NRG1: variants seen among roughly 807,000 people sequenced by gnomAD.
NRG1 encodes pro-neuregulin-1, membrane-bound isoform.
In NRG1, 18 loss-of-function variants were observed where a neutral mutation model predicts 63.8. That is an observed-to-expected ratio of 0.28 (90% confidence interval 0.19 to 0.42). The LOEUF (loss-of-function observed/expected upper bound fraction) is 0.42, where lower values mean the gene tolerates loss of function less well. NRG1 is among the 10% of genes least tolerant of loss of function. The pLI is 1.00. For synonymous variants in NRG1, 302 were observed against 301.3 expected, an observed-to-expected ratio of 1.00 and a Z score of -0.02; for missense variants, 762 against 814.7, an observed-to-expected ratio of 0.94 and a Z score of 0.79.
intron 1 of NRG1, among the ~76,000 whole-genome samples, chr8:31,909,783 G>A (rs1034175332): frequency 3.9e-5 from 6 of 152,282 alleles, no homozygotes; most frequent in Middle Eastern, 3.4e-3. Flanking sequence ...CAAGCGGTGC[G>A]TTGTACATGT....
chr8:32,628,601 A>G (rs1280514638), intron 5 of NRG1, among the ~76,000 whole-genome samples: 1 of 152,204 alleles, frequency 6.6e-6, no homozygotes, highest in Non-Finnish European at 1.5e-5. Flanking sequence ...ACCTTTAAAA[A>G]TGATTTTACA....
intron 1 of NRG1, among the ~76,000 whole-genome samples, chr8:32,170,474 TG>T (rs1336910776): frequency 1.3e-5 from 2 of 152,190 alleles, no homozygotes; most frequent in Admixed American, 1.3e-4. Flanking sequence ...TTGTTGCCTC[TG>T]GTTGTGCAGA....
chr8:32,701,226 G>T (rs892155895), intron 5 of NRG1, among the ~76,000 whole-genome samples: 1 of 152,110 alleles, frequency 6.6e-6, no homozygotes, highest in African/African-American at 2.4e-5. Context: ...TATTGTGTAA[G>T]TATACTAATG....
intron 1 of NRG1, among the ~76,000 whole-genome samples, chr8:32,551,889 G>C (rs35100426): frequency 0.19 from 28,324 of 148,208 alleles, 2,806 homozygotes; most frequent in Middle Eastern, 0.25. Context: ...TTCTCTTGAA[G>C]CCTGAATTAC....
intron 4 of NRG1, among the ~76,000 whole-genome samples, chr8:32,614,978 A>G (rs1296278754): frequency 3.6e-4 from 55 of 152,078 alleles, no homozygotes; most frequent in Non-Finnish European, 4.4e-5. Flanking sequence ...TCTAATAATC[A>G]GTTGTGGATC....
At chr8:32,423,072 C>T (rs962302191) in intron 1 of NRG1, among the ~76,000 whole-genome samples, 1 of 152,202 alleles carries the variant, frequency 6.6e-6, no homozygotes, top group Non-Finnish European at 1.5e-5. Flanking sequence ...TGGTCCAAAC[C>T]CTATGCTCTA....
Position 32,147,608 on chromosome 8 carries a change from C to A in NRG1, c.38-448220C>A, listed in dbSNP as rs540910853. 2.6e-3 allele frequency among the ~76,000 whole-genome samples: 395 copies of A among 152,288 alleles called. 3 individuals are homozygous for A. The highest frequency in any genetic ancestry group is 9.1e-3 in the African/African-American group (380 of 41,556). ...CTATCCCCTAATTTTCATCATCTCTCATATCTAATCCACCATGATGTCTTT... is the reference window on the plus strand; with the variant it reads ...CTATCCCCTAATTTTCATCATCTCTAATATCTAATCCACCATGATGTCTTT... On this transcript the variant is annotated intron_variant, in intron 1 of 10. Coordinates refer to the NRG1 transcript ENST00000519301.
At chr8:31,928,377 A>AG (rs1834580590) in intron 1 of NRG1, among the ~76,000 whole-genome samples, 1 of 136,556 alleles carries the variant, frequency 7.3e-6, no homozygotes, top group East Asian at 2.0e-4. Flanking sequence ...AAAAAAAAAA[A>AG]GATGTTTATA....
intron 1 of NRG1, among the ~76,000 whole-genome samples, chr8:31,818,432 G>T (rs1245465130): frequency 1.3e-5 from 2 of 152,064 alleles, no homozygotes; most frequent in African/African-American, 2.4e-5. Flanking sequence ...AACCTTTTTG[G>T]CACCAGGAAC....
chr8:32,331,758 A>G (rs1306418118), intron 1 of NRG1, among the ~76,000 whole-genome samples: 1 of 152,156 alleles, frequency 6.6e-6, no homozygotes, highest in Non-Finnish European at 1.5e-5. Context: ...TAAGAGATGA[A>G]CATCTCAGAC....
At chr8:32,366,595 G>A (rs1211883339) in intron 1 of NRG1, among the ~76,000 whole-genome samples, 1 of 148,372 alleles carries the variant, frequency 6.7e-6, no homozygotes, top group Non-Finnish European at 1.5e-5. Context: ...TATATATAAT[G>A]TGTATATAAA....
chr8:32,669,556 T>G (rs1228430521), intron 5 of NRG1, among the ~76,000 whole-genome samples: 1 of 152,150 alleles, frequency 6.6e-6, no homozygotes, highest in Non-Finnish European at 1.5e-5. Flanking sequence ...ATAAGTAAAG[T>G]AAGATTGGAG....
intron 1 of NRG1, among the ~76,000 whole-genome samples, chr8:31,790,985 C>T (rs780418464): frequency 2.4e-4 from 36 of 151,856 alleles, no homozygotes; most frequent in African/African-American, 7.0e-4. Flanking sequence ...CTGAGGTGGG[C>T]GGATCACTTG....
intron 1 of NRG1, among the ~76,000 whole-genome samples, chr8:31,760,738 A>G (rs1412232431): frequency 1.3e-5 from 2 of 152,230 alleles, no homozygotes; most frequent in Admixed American, 1.3e-4. Flanking sequence ...AATGCAAATC[A>G]AAACCACAAT....
chr8:32,153,991 A>G (rs1390079569), intron 1 of NRG1, among the ~76,000 whole-genome samples: 3 of 152,222 alleles, frequency 2.0e-5, no homozygotes, highest in Non-Finnish European at 1.5e-5. Context: ...AACAAGTCCT[A>G]CTGAACATTG....
chr8:32,363,473 G>A (rs1807509524), intron 1 of NRG1, among the ~76,000 whole-genome samples: 1 of 152,070 alleles, frequency 6.6e-6, no homozygotes, highest in South Asian at 2.1e-4. Context: ...TTCTCTAACG[G>A]GAGTATGATG....
chr8:32,750,845 T>C (rs1828585423), intron 7 of NRG1, among the ~76,000 whole-genome samples: 1 of 151,836 alleles, frequency 6.6e-6, no homozygotes, highest in East Asian at 1.9e-4. Context: ...CCTCTATTAC[T>C]AGGGAGCACG....
intron 1 of NRG1, among the ~76,000 whole-genome samples, chr8:32,514,219 T>C (rs1258178876): frequency 6.6e-6 from 1 of 152,184 alleles, no homozygotes; most frequent in Admixed American, 6.5e-5. Flanking sequence ...AAAATGCAAA[T>C]TAGACAAACA....
chr8:32,395,088 A>C (rs1018217997), intron 1 of NRG1, among the ~76,000 whole-genome samples: 4 of 152,280 alleles, frequency 2.6e-5, no homozygotes, highest in Middle Eastern at 3.4e-3. Flanking sequence ...TTCCATATGT[A>C]ATACTTTCTA....
Sources: gnomAD v4.1 joint callset for allele counts (sites outside exome capture counted in the v4.1 genomes callset) on GRCh38, gnomAD v4.1.1 for gene constraint, MANE v1.5 for transcripts, NCBI Gene and HGNC (gene_info 2026-07-23, HGNC 2026-07-21) for gene names.